The following DERA variants were observed in gnomAD, a reference collection of about 807,000 sequenced individuals.
DERA encodes the protein 2-deoxy-D-ribose 5-phosphate aldolase.
Under a neutral mutation model 41.1 loss-of-function variants are expected in DERA, and 15 were observed. The ratio of observed to expected loss-of-function variants is 0.37; its 90% CI spans 0.24 to 0.56. The LOEUF (loss-of-function observed/expected upper bound fraction) is 0.56, where lower values mean the gene tolerates loss of function less well. DERA is among the 20% of genes least tolerant of loss of function. The pLI, the probability that DERA is intolerant of heterozygous loss-of-function variation, is 0.81. For missense variants in DERA, 396 were observed against 403.4 expected (o/e 0.98, Z 0.16); for synonymous variants, 139 against 137.4 (o/e 1.01, Z -0.08).
chr12:15,945,880 C>T (rs1948443964), intron 1 of DERA, among the ~76,000 whole-genome samples: 1 of 152,074 alleles, frequency 6.6e-6, no homozygotes, highest in African/African-American at 2.4e-5. Flanking sequence ...TCATAAATAG[C>T]TCTTATTATT....
At chr12:15,930,527 C>T (rs1163875588) in intron 1 of DERA, among the ~76,000 whole-genome samples, 1 of 152,076 alleles carries the variant, frequency 6.6e-6, no homozygotes, top group Non-Finnish European at 1.5e-5. Context: ...CATCCTATGA[C>T]TATTTTAGAT....
chr12:15,974,029 C>T (rs2136157009), intron 5 of DERA, among the ~76,000 whole-genome samples: 2 of 152,192 alleles, frequency 1.3e-5, no homozygotes, highest in Middle Eastern at 3.4e-3. Flanking sequence ...TATCCCATTT[C>T]CTTTTTTTGA....
Position 16,010,005 on chromosome 12 carries a change from C to CAGAT in DERA, c.638-22535_638-22532dup, listed in dbSNP as rs1285190315. Among the ~76,000 whole-genome samples, 1 of 152,120 alleles carries CAGAT rather than the reference C, an allele frequency of 6.6e-6. No homozygotes were observed. Among genetic ancestry groups the CAGAT allele is most frequent in the Non-Finnish European group, 1.5e-5 (1 of 68,026 alleles). On this transcript the variant is annotated intron_variant, in intron 6 of 8. Transcript: ENST00000428559. This position sits in a 1 kb window ranked among gnomAD's most constrained non-coding sequence, Gnocchi z 5.5. ...TTGTAATAGGAAGTTCTGTGAGAGA[C>CAGAT]AGATAAAACCTCTGTATTAAGTGTG... is the stretch of plus-strand genomic sequence containing the variant.
chr12:16,029,063 G>T (rs1290899453), intron 6 of DERA, among the ~76,000 whole-genome samples: 3 of 152,040 alleles, frequency 2.0e-5, no homozygotes, highest in Non-Finnish European at 4.4e-5. Context: ...CTGGGTGTGG[G>T]GTATATGGAA....
rs1276987329 is a variant in DERA at position 15,962,878 on chromosome 12, G to A, written c.439G>A (p.Val147Met). The change falls in exon 5 of 9, where the codon GTG becomes ATG. Residue 147 changes from valine to methionine, a missense_variant. By Grantham distance (21) the Val-to-Met change is conservative. Transcript: ENST00000428559. ...ACGATTAGAAGAGATCAGATTGGCT[G>A]TGGAAGATGGAGCTACAGAAATCGA... ...KTRLEEIRLA[V>M]EDGATEIDVV... The A allele has an allele frequency of 1.3e-6, 2 of 1,584,506 alleles. No individual in the cohort carries two copies. The highest frequency in any genetic ancestry group is 1.3e-5 in the African/African-American group (1 of 74,710).
At chr12:15,961,281 T>A (rs532348856) in intron 4 of DERA, among the ~76,000 whole-genome samples, 1 of 152,274 alleles carries the variant, frequency 6.6e-6, no homozygotes, top group East Asian at 1.9e-4. Flanking sequence ...AACATTAGTT[T>A]GGTAAATGTG....
intron 5 of DERA, among the ~76,000 whole-genome samples, chr12:15,963,509 T>C (rs1406252519): frequency 6.6e-6 from 1 of 152,222 alleles, no homozygotes; most frequent in Non-Finnish European, 1.5e-5. Flanking sequence ...ACATTGCCCT[T>C]TCCAGCAACA....
At position 15,940,831 on chromosome 12, in the gene DERA, G is replaced by A. The variant is rs182315177; in HGVS notation, c.32-16105G>A. 2.0e-5 allele frequency among the ~76,000 whole-genome samples: 3 copies of A among 152,226 alleles called. No homozygotes were observed. In the East Asian group the frequency reaches 5.8e-4, roughly 29 times the overall value. ...CTAACATAACTACTAATTTTTTGAG[G>A]TAGATACCGATGCTTTTTAGCAGAT... On this transcript the variant is annotated intron_variant, in intron 1 of 8. Transcript: ENST00000428559. This position sits in a 1 kb window ranked among gnomAD's most constrained non-coding sequence, Gnocchi z 5.1.
At chr12:16,025,997 T>G (rs990378724) in intron 6 of DERA, among the ~76,000 whole-genome samples, 3 of 152,030 alleles carry the variant, frequency 2.0e-5, no homozygotes, top group African/African-American at 7.2e-5. Flanking sequence ...TACTTTGAAC[T>G]AAATGAAAAT....
At chr12:15,947,525 G>A (rs1948460058) in intron 1 of DERA, among the ~76,000 whole-genome samples, 1 of 152,100 alleles carries the variant, frequency 6.6e-6, no homozygotes, top group Non-Finnish European at 1.5e-5. Flanking sequence ...GAATAGGATT[G>A]CAACCCCTGC....
chr12:16,033,239 C>T (rs563993352), intron 7 of DERA, among the ~76,000 whole-genome samples: 2 of 152,254 alleles, frequency 1.3e-5, no homozygotes, highest in South Asian at 2.1e-4. Context: ...AGAAAATTCT[C>T]GAGGAGATGA....
chr12:15,938,533 GTTTAT>G lies in DERA; in HGVS notation c.32-18401_32-18397del, dbSNP rs1476065181. Among the ~76,000 whole-genome samples the G allele has an allele frequency of 6.6e-6, 1 of 152,094 alleles. No homozygotes were observed. Among genetic ancestry groups the G allele is most frequent in the South Asian group, 2.1e-4 (1 of 4,830 alleles). The stretch of plus-strand genomic sequence containing the variant: ...TCTATGTGTCTAAGTTGCATTTTGT[GTTTAT>G]TAAGTTTAAAATTCTTGATAGTTTT... On this transcript the variant is annotated intron_variant, in intron 1 of 8. Coordinates refer to ENST00000428559, the MANE Select transcript of DERA (RefSeq NM_015954.4). This position sits in a 1 kb window ranked among gnomAD's most constrained non-coding sequence, Gnocchi z 4.1.
intron 4 of DERA, 115 bp from the exon 5 acceptor site, chr12:15,962,697 GA>G: frequency 1.3e-6 from 1 of 780,272 alleles, no homozygotes; most frequent in Non-Finnish European, 2.0e-6. Context: ...TGGGGGTTTG[GA>G]ATTCTTTGAT....
rs1948871217 is a variant in DERA at position 16,001,000 on chromosome 12, G to A, written c.637+18564G>A. ...ATAAAAATCCTTAAAAGTGCTCTGA[G>A]ACATTTTCATTATTGTCAGTATTTT... On this transcript the variant is annotated intron_variant, in intron 6 of 8. Transcript: ENST00000428559. This position sits in a 1 kb window ranked among gnomAD's most constrained non-coding sequence, Gnocchi z 4.8. Among the ~76,000 whole-genome samples, 1 of 152,116 alleles carries A rather than the reference G, an allele frequency of 6.6e-6. No homozygotes were observed. The highest frequency in any genetic ancestry group is 1.5e-5 in the Non-Finnish European group (1 of 68,024).
rs760022565 is a variant in DERA at position 16,009,869 on chromosome 12, A to C, written c.638-22673A>C. On this transcript the variant is annotated intron_variant, in intron 6 of 8. Coordinates refer to ENST00000428559, the MANE Select transcript of DERA (RefSeq NM_015954.4). The surrounding 1 kb of genome is among the most constrained non-coding windows in gnomAD (Gnocchi z 5.3). ...AATTTAAAATGCAGGTTTAAAAGAA[A>C]GTAGGTAAAAACCCTAACTTTGGCA... 6.4e-4 allele frequency among the ~76,000 whole-genome samples: 97 copies of C among 152,206 alleles called. No homozygotes were observed. Among genetic ancestry groups the C allele is most frequent in the Non-Finnish European group, 1.9e-4 (13 of 68,030 alleles).
intron 1 of DERA, among the ~76,000 whole-genome samples, chr12:15,939,008 C>A (rs1426183201): frequency 6.6e-6 from 1 of 152,196 alleles, no homozygotes; most frequent in African/African-American, 2.4e-5. Flanking sequence ...TGGGCTGACC[C>A]TGTAAGTCCC....
intron 6 of DERA, among the ~76,000 whole-genome samples, chr12:16,028,861 A>T (rs559992623): frequency 6.6e-6 from 1 of 152,198 alleles, no homozygotes; most frequent in Non-Finnish European, 1.5e-5. Flanking sequence ...AATAAGAAGA[A>T]TCTAAGAAAC....
chr12:15,971,088 GT>G (rs1400171970), intron 5 of DERA, among the ~76,000 whole-genome samples: 2 of 152,198 alleles, frequency 1.3e-5, no homozygotes, highest in African/African-American at 4.8e-5. Flanking sequence ...TCATTAGGTT[GT>G]GACAATTCTC....
chr12:16,033,578 A>AG (rs1592060169), intron 7 of DERA, among the ~76,000 whole-genome samples: 3 of 78,222 alleles, frequency 3.8e-5, no homozygotes, highest in East Asian at 3.0e-4. Context: ...TTGGAGAGCA[A>AG]GGTTGTGTGT....
Sources: allele counts gnomAD v4.1 joint callset (sites outside exome capture counted in the v4.1 genomes callset), GRCh38; gene constraint gnomAD v4.1.1; non-coding constraint Gnocchi (gnomAD v3.1); transcripts MANE v1.5; gene names NCBI Gene and HGNC (gene_info 2026-07-23, HGNC 2026-07-21).